SLC39A8: variants seen among roughly 807,000 people sequenced by gnomAD.
SLC39A8 encodes metal cation symporter ZIP8.
A neutral mutation model predicts 40.4 loss-of-function variants in SLC39A8; 15 were observed. The ratio of observed to expected loss-of-function variants is 0.37; its 90% CI spans 0.25 to 0.57. The LOEUF (loss-of-function observed/expected upper bound fraction) is 0.57. SLC39A8 is among the 20% of genes least tolerant of loss of function. The pLI is 0.75. For synonymous variants in SLC39A8, 223 were observed against 221.6 expected (o/e 1.01, Z -0.06); for missense variants, 472 against 558.8 (o/e 0.84, Z 1.57).
chr4:102,327,170 A>T (rs1473534815), intron 2 of SLC39A8, among the ~76,000 whole-genome samples: 1 of 152,108 alleles, frequency 6.6e-6, no homozygotes, highest in African/African-American at 2.4e-5. Context: ...GATGAGCAGG[A>T]GGATCGCTTG....
chr4:102,340,943 T>A (rs1302979551), intron 2 of SLC39A8, among the ~76,000 whole-genome samples: 1 of 152,206 alleles, frequency 6.6e-6, no homozygotes, highest in Non-Finnish European at 1.5e-5. Flanking sequence ...AAGAAGTGGT[T>A]GAGCAAAAGC....
chr4:102,337,423 A>T (rs762305217), intron 2 of SLC39A8, among the ~76,000 whole-genome samples: 6 of 152,164 alleles, frequency 3.9e-5, no homozygotes, highest in Non-Finnish European at 7.4e-5. Context: ...CCCAGATGAG[A>T]GAACAACCCT....
intron 2 of SLC39A8, among the ~76,000 whole-genome samples, chr4:102,336,076 T>C (rs1400990385): frequency 1.3e-5 from 2 of 152,226 alleles, no homozygotes; most frequent in Non-Finnish European, 2.9e-5. Context: ...ATACATTGTC[T>C]TTTGTATTAC....
intron 2 of SLC39A8, among the ~76,000 whole-genome samples, chr4:102,324,693 T>C (rs1474198151): frequency 6.6e-6 from 1 of 152,222 alleles, no homozygotes; most frequent in Non-Finnish European, 1.5e-5. Flanking sequence ...CTAAAGTAGA[T>C]ATGAATTCCA....
intron 6 of SLC39A8, among the ~76,000 whole-genome samples, chr4:102,303,048 G>A (rs928713857): frequency 6.6e-6 from 1 of 151,842 alleles, no homozygotes; most frequent in Non-Finnish European, 1.5e-5. Context: ...GGAAACTCAG[G>A]TATTTGCCAT....
intron 2 of SLC39A8, among the ~76,000 whole-genome samples, chr4:102,340,738 C>T (rs1232474499): frequency 1.3e-5 from 2 of 152,150 alleles, no homozygotes; most frequent in African/African-American, 4.8e-5. Context: ...ATAGAAGTGA[C>T]ATCAGCATGG....
At chr4:102,335,696 T>G (rs1422597132) in intron 2 of SLC39A8, among the ~76,000 whole-genome samples, 1 of 152,178 alleles carries the variant, frequency 6.6e-6, no homozygotes, top group Non-Finnish European at 1.5e-5. Flanking sequence ...ATTGAAGTAC[T>G]CAAATTATTT....
At chr4:102,342,266 CG>C (rs2149058603) in intron 2 of SLC39A8, among the ~76,000 whole-genome samples, 1 of 152,198 alleles carries the variant, frequency 6.6e-6, no homozygotes, top group East Asian at 1.9e-4. Context: ...TTTGGGAGAC[CG>C]AGGCCGGCGG....
chr4:102,326,185 G>T (rs1735190844), intron 2 of SLC39A8, among the ~76,000 whole-genome samples: 1 of 152,292 alleles, frequency 6.6e-6, no homozygotes, highest in South Asian at 2.1e-4. Flanking sequence ...TACACCAAGG[G>T]TTTCCCACTC....
chr4:102,257,360 T>C (rs1464145813), downstream of SLC39A8, among the ~76,000 whole-genome samples: 4 of 152,180 alleles, frequency 2.6e-5, no homozygotes, highest in Non-Finnish European at 4.4e-5. Flanking sequence ...TTCTAGTAAT[T>C]TCTTTGAATT....
chr4:102,335,812 C>T (rs559298252), intron 2 of SLC39A8, among the ~76,000 whole-genome samples: 29 of 152,222 alleles, frequency 1.9e-4, no homozygotes, highest in African/African-American at 6.5e-4. Context: ...GGTGAGTCAC[C>T]ATGGAAACCA....
exon 12 of SLC39A8, chr4:102,251,588 T>C (rs1165223776): frequency 6.6e-6 from 1 of 152,136 alleles, no homozygotes; most frequent in Non-Finnish European, 1.5e-5. Context: ...ATTTAATACA[T>C]GTTTTACAGG....
chr4:102,329,231 A>G (rs1735344930), intron 2 of SLC39A8, among the ~76,000 whole-genome samples: 1 of 152,120 alleles, frequency 6.6e-6, no homozygotes, highest in Non-Finnish European at 1.5e-5. Context: ...GTGGGGGCAG[A>G]TGCTTCTGCC....
intron 6 of SLC39A8, among the ~76,000 whole-genome samples, chr4:102,290,297 A>G (rs1290072874): frequency 6.6e-6 from 1 of 152,148 alleles, no homozygotes; most frequent in Non-Finnish European, 1.5e-5. Flanking sequence ...TAGTGAAAAC[A>G]TATCTTTTAT....
At chr4:102,328,849 C>T (rs1292057087) in intron 2 of SLC39A8, among the ~76,000 whole-genome samples, 1 of 151,990 alleles carries the variant, frequency 6.6e-6, no homozygotes, top group East Asian at 1.9e-4. Context: ...CACGGTGAAA[C>T]CCCGTCTCTA....
intron 2 of SLC39A8, among the ~76,000 whole-genome samples, chr4:102,330,959 T>A (rs1233045050): frequency 6.6e-6 from 1 of 152,206 alleles, no homozygotes; most frequent in African/African-American, 2.4e-5. Context: ...AAAAGGCTTT[T>A]GATAAGATTC....
At chr4:102,317,311 G>A (rs1364393412) in intron 2 of SLC39A8, among the ~76,000 whole-genome samples, 1 of 152,042 alleles carries the variant, frequency 6.6e-6, no homozygotes, top group African/African-American at 2.4e-5. Context: ...CCAACGCTAA[G>A]ATTACAACTA....
At chr4:102,331,747 G>A (rs938327002) in intron 2 of SLC39A8, among the ~76,000 whole-genome samples, 2 of 151,882 alleles carry the variant, frequency 1.3e-5, no homozygotes, top group Admixed American at 6.6e-5. Context: ...GAGGCATCAC[G>A]CTACCTGACT....
chr4:102,291,040 G>T (rs1020755149), intron 6 of SLC39A8, among the ~76,000 whole-genome samples: 57 of 151,784 alleles, frequency 3.8e-4, no homozygotes, highest in African/African-American at 1.4e-3. Context: ...CTGTCTGCCT[G>T]GCCTTTCCTC....
Sources: allele counts gnomAD v4.1 joint callset (sites outside exome capture counted in the v4.1 genomes callset), GRCh38; gene constraint gnomAD v4.1.1; transcripts MANE v1.5; gene names NCBI Gene and HGNC (gene_info 2026-07-23, HGNC 2026-07-21).